Variants in MAP3K4 observed in about 807,000 individuals in gnomAD.
MAP3K4 encodes the protein MAP three kinase 1.
In MAP3K4, 67 loss-of-function variants were observed where a neutral mutation model predicts 185.6. The observed-to-expected ratio is 0.36, with a 90% CI of 0.30 to 0.44. MAP3K4 has a LOEUF of 0.44. Ranked by LOEUF, MAP3K4 falls within the 20% of genes least tolerant of loss-of-function variation. The pLI, the probability that MAP3K4 is intolerant of heterozygous loss-of-function variation, is 1.00. For missense variants in MAP3K4, 1,551 were observed against 1,995.1 expected, an observed-to-expected ratio of 0.78 and a Z score of 4.24; for synonymous variants, 702 against 710.4, an observed-to-expected ratio of 0.99 and a Z score of 0.19.
rs183238680 is a variant in MAP3K4, at chr6:161,024,522, G to A, written c.153-9737G>A. 3.3e-5 allele frequency among the ~76,000 whole-genome samples: 5 copies of A among 152,158 alleles called. No homozygotes were observed. The East Asian group carries it at 9.7e-4, about 29-fold the overall frequency. On this transcript the variant is annotated intron_variant, in intron 1 of 26. Coordinates refer to ENST00000392142, the MANE Select transcript of MAP3K4 (RefSeq NM_005922.4). ...ACATTAGTTGTGTCTCCTTAGCCTC[G>A]TTGGCTGTTAACAGTTTCTCACACT...
intron 25 of MAP3K4, among the ~76,000 whole-genome samples, chr6:161,113,156 G>A (rs965059428): frequency 6.6e-6 from 1 of 152,176 alleles, no homozygotes; most frequent in Non-Finnish European, 1.5e-5. Flanking sequence ...TTCTTCAGTA[G>A]ATTATTCATA....
rs1444756963 is a variant in MAP3K4, at chr6:161,110,257, CT to C, written c.4396+344del. The stretch of plus-strand genomic sequence containing the variant: ...TTTTCTCTCGTGTCAGGATTCTTGT[CT>C]ATTTATATATGAAAATCATGAATAT... On this transcript the variant is annotated intron_variant, in intron 23 of 26. Coordinates refer to ENST00000392142, the MANE Select transcript of MAP3K4 (RefSeq NM_005922.4). This position sits in a 1 kb window ranked among gnomAD's most constrained non-coding sequence, Gnocchi z 4.8. Among the ~76,000 whole-genome samples, 3 of 152,106 alleles carry C rather than the reference CT, an allele frequency of 2.0e-5. No homozygotes were observed. Among genetic ancestry groups the C allele is most frequent in the African/African-American group, 4.8e-5 (2 of 41,412 alleles).
intron 1 of MAP3K4, among the ~76,000 whole-genome samples, chr6:161,021,576 T>G (rs1782391380): frequency 6.6e-6 from 1 of 152,252 alleles, no homozygotes; most frequent in Non-Finnish European, 1.5e-5. Flanking sequence ...GTTCTCCAGG[T>G]TAGGTCCTAT....
In MAP3K4 at chr6:161,067,343, T is replaced by C; in HGVS notation, c.1708-3265T>C. On this transcript the variant is annotated intron_variant, in intron 3 of 26. Coordinates refer to ENST00000392142, the MANE Select transcript of MAP3K4 (RefSeq NM_005922.4). This position sits in a 1 kb window ranked among gnomAD's most constrained non-coding sequence, Gnocchi z 6.3. ...ACATTTTTTTGAATTTCTGATTAGC[T>C]TCCTTATGCATCGATCTCAGTGAGC... is the stretch of plus-strand genomic sequence containing the variant. 1 of 386,972 alleles carries C rather than the reference T, an allele frequency of 2.6e-6. No individual in the cohort carries two copies. Among genetic ancestry groups the C allele is most frequent in the South Asian group, 2.0e-5 (1 of 49,664 alleles). The allele number at this position is 386,972 out of a possible 1,614,324, so 24.0% of individuals were successfully genotyped here. A position where few individuals can be genotyped will look rare whatever the true frequency, so the allele number is the denominator to read the frequency against.
In MAP3K4 at chr6:161,106,378, C is replaced by T. The variant is rs1353047985; in HGVS notation, c.3857-136C>T. 1.7e-6 allele frequency: 1 copy of T among 583,462 alleles called. No individual in the cohort carries two copies. Among genetic ancestry groups the T allele is most frequent in the East Asian group, 2.8e-5 (1 of 35,814 alleles). The allele number at this position is 583,462 out of a possible 1,614,324, so 36.1% of individuals were successfully genotyped here. A position where few individuals can be genotyped will look rare whatever the true frequency, so the allele number is the denominator to read the frequency against. On this transcript the variant is annotated intron_variant, in intron 19 of 26. Coordinates refer to ENST00000392142, the MANE Select transcript of MAP3K4 (RefSeq NM_005922.4). The surrounding 1 kb of genome is among the most constrained non-coding windows in gnomAD (Gnocchi z 4.9). ...CGTTTGAAGAACTTTAATTCACCTG[C>T]TGTTTATCTGAATAGATAATAAGCT...
chr6:161,095,703 C>A (rs1195522359), intron 15 of MAP3K4, among the ~76,000 whole-genome samples: 2 of 152,202 alleles, frequency 1.3e-5, no homozygotes, highest in African/African-American at 4.8e-5. Flanking sequence ...TACTGTAATT[C>A]TTTCTACCAT....
rs1050265271 is a variant in MAP3K4, at chr6:161,080,710, A to T, written c.2098-171A>T. ...TTTTGTGATTTTTTAAAAAATCCTC[A>T]TTTAGACCTCAGCTAACAGTGGTGA... On this transcript the variant is annotated intron_variant, in intron 5 of 26. Transcript: ENST00000392142. This position sits in a 1 kb window ranked among gnomAD's most constrained non-coding sequence, Gnocchi z 4.8. 1.4e-5 allele frequency: 8 copies of T among 585,046 alleles called. No homozygotes were observed. The African/African-American group carries it at 1.5e-4, about 11-fold the overall frequency. 36.2% of individuals were successfully genotyped at this position (585,046 alleles called of 1,614,324 possible). A position where few individuals can be genotyped will look rare whatever the true frequency, so the allele number is the denominator to read the frequency against.
At chr6:161,035,065 T>C (rs1421161114) in intron 2 of MAP3K4, among the ~76,000 whole-genome samples, 1 of 152,058 alleles carries the variant, frequency 6.6e-6, no homozygotes. Flanking sequence ...CCAACCTCCT[T>C]TTAGTGGGAC....
chr6:161,023,058 C>T lies in MAP3K4; in HGVS notation c.153-11201C>T, dbSNP rs563658028. The stretch of plus-strand genomic sequence containing the variant: ...GACCATTGTCTTAATTTTGAGTCTT[C>T]GTTCATCTGTCTTTTTCCAGCTTTA... On this transcript the variant is annotated intron_variant, in intron 1 of 26. Coordinates refer to ENST00000392142, the MANE Select transcript of MAP3K4 (RefSeq NM_005922.4). Among the ~76,000 whole-genome samples the T allele has an allele frequency of 5.3e-5, 8 of 152,226 alleles. No homozygotes were observed. In the East Asian group the frequency reaches 5.8e-4, roughly 11 times the overall value.
At chr6:161,059,424 AC>A (rs1478551286) in intron 3 of MAP3K4, among the ~76,000 whole-genome samples, 2 of 152,216 alleles carry the variant, frequency 1.3e-5, no homozygotes, top group African/African-American at 4.8e-5. Flanking sequence ...GGCGTGAGCC[AC>A]TGGCACCCGA....
Position 161,108,655 on chromosome 6 carries a change from T to C in MAP3K4, c.4120-88T>C. ...GACAAATCATGATTACATATATTTA[T>C]GGGGTGCAAAATGATGTTTCAGTGT... On this transcript the variant is annotated intron_variant, in intron 21 of 26. Coordinates refer to ENST00000392142, the MANE Select transcript of MAP3K4 (RefSeq NM_005922.4). This position sits in a 1 kb window ranked among gnomAD's most constrained non-coding sequence, Gnocchi z 5.7. 2.6e-6 allele frequency: 2 copies of C among 771,462 alleles called. No homozygotes were observed. The highest frequency in any genetic ancestry group is 4.6e-6 in the Non-Finnish European group (2 of 436,392). 47.8% of individuals were successfully genotyped at this position (771,462 alleles called of 1,614,324 possible). A position where few individuals can be genotyped will look rare whatever the true frequency, so the allele number is the denominator to read the frequency against.
In MAP3K4 at chr6:161,091,975, T is replaced by A; in HGVS notation, c.3136-35T>A. 1.3e-6 allele frequency: 2 copies of A among 1,558,940 alleles called. No individual in the cohort carries two copies. Among genetic ancestry groups the A allele is most frequent in the Non-Finnish European group, 1.8e-6 (2 of 1,130,942 alleles). ...TGTGTGATATTATTTAATGATCATTTCCTTAATGTTGATATACATGAAATC... is the reference window on the plus strand; with the variant it reads ...TGTGTGATATTATTTAATGATCATTACCTTAATGTTGATATACATGAAATC... On this transcript the variant is annotated intron_variant, in intron 12 of 26. Transcript: ENST00000392142. This position sits in a 1 kb window ranked among gnomAD's most constrained non-coding sequence, Gnocchi z 5.5.
intron 1 of MAP3K4, among the ~76,000 whole-genome samples, chr6:161,027,471 C>G (rs1782729036): frequency 2.0e-5 from 3 of 152,094 alleles, no homozygotes; most frequent in Admixed American, 2.0e-4. Context: ...TAAGAGAGAA[C>G]TGTGAAAGCT....
intron 2 of MAP3K4, among the ~76,000 whole-genome samples, chr6:161,041,966 C>T (rs1583155915): frequency 7.5e-6 from 1 of 133,342 alleles, no homozygotes; most frequent in Non-Finnish European, 1.5e-5. Context: ...CTATGTTGCC[C>T]AGACTGGCCC....
At chr6:161,104,912 A>G (rs913307247) in intron 19 of MAP3K4, among the ~76,000 whole-genome samples, 1 of 152,176 alleles carries the variant, frequency 6.6e-6, no homozygotes, top group African/African-American at 2.4e-5. Flanking sequence ...TAACTGGACC[A>G]TTATAAATCT....
At chr6:161,016,419 T>C (rs575627658) in intron 1 of MAP3K4, among the ~76,000 whole-genome samples, 33 of 152,336 alleles carry the variant, frequency 2.2e-4, no homozygotes, top group Middle Eastern at 3.4e-3. Context: ...TAAGACCTCA[T>C]TGACAAATAT....
At position 161,077,080 on chromosome 6, in the gene MAP3K4, A is replaced by C. The variant is rs73784745; in HGVS notation, c.2097+3468A>C. ...TACATTATAATCCAGTTTAGGTAAC[A>C]GATGAAAAACGTAGACCAAACAATA... On this transcript the variant is annotated intron_variant, in intron 5 of 26. Coordinates refer to ENST00000392142, the MANE Select transcript of MAP3K4 (RefSeq NM_005922.4). This position sits in a 1 kb window ranked among gnomAD's most constrained non-coding sequence, Gnocchi z 4.3. Among the ~76,000 whole-genome samples the C allele has an allele frequency of 0.055, 8,334 of 152,252 alleles. 757 individuals are homozygous for C. Among genetic ancestry groups the C allele is most frequent in the African/African-American group, 0.19 (7,761 of 41,484 alleles).
rs756469705 is a variant in MAP3K4, at chr6:161,043,431, GT to G, written c.344-5184del. ...TGTGTAATCTTTTGTGGTACTCGCT[GT>G]CTTAGCCTTTCCTTGGTCAGTTGGT... is the stretch of plus-strand genomic sequence containing the variant. On this transcript the variant is annotated intron_variant, in intron 2 of 26. Coordinates refer to ENST00000392142, the MANE Select transcript of MAP3K4 (RefSeq NM_005922.4). This position sits in a 1 kb window ranked among gnomAD's most constrained non-coding sequence, Gnocchi z 4.3. Among the ~76,000 whole-genome samples the G allele has an allele frequency of 3.9e-5, 6 of 152,160 alleles. No homozygotes were observed. The highest frequency in any genetic ancestry group is 8.8e-5 in the Non-Finnish European group (6 of 68,030).
rs1030244529 is a variant in MAP3K4 at position 161,077,231 on chromosome 6, A to G, written c.2097+3619A>G. Among the ~76,000 whole-genome samples, 2 of 152,188 alleles carry G rather than the reference A, an allele frequency of 1.3e-5. No homozygotes were observed. Among genetic ancestry groups the G allele is most frequent in the African/African-American group, 2.4e-5 (1 of 41,446 alleles). On this transcript the variant is annotated intron_variant, in intron 5 of 26. Coordinates refer to ENST00000392142, the MANE Select transcript of MAP3K4 (RefSeq NM_005922.4). This position sits in a 1 kb window ranked among gnomAD's most constrained non-coding sequence, Gnocchi z 4.3. ...GGAAAGAGATAGAAGTGAAGAGAGA[A>G]CAAAGGAGAAACTAACTTTCTGGTA...
Sources: allele counts gnomAD v4.1 joint callset (sites outside exome capture counted in the v4.1 genomes callset), GRCh38; gene constraint gnomAD v4.1.1; non-coding constraint Gnocchi (gnomAD v3.1); transcripts MANE v1.5; gene names NCBI Gene and HGNC (gene_info 2026-07-23, HGNC 2026-07-21).